NEK1: variants seen among roughly 807,000 people sequenced by gnomAD.
NEK1 encodes the protein NIMA related kinase 1, also known as serine/threonine-protein kinase Nek1.
Under a neutral mutation model 182.1 loss-of-function variants are expected in NEK1, and 137 were observed. That is an observed-to-expected ratio of 0.75 (90% CI 0.65 to 0.87). The LOEUF (loss-of-function observed/expected upper bound fraction) is 0.87. Among genes scored for constraint, NEK1 ranks in the 40% least tolerant of loss-of-function variants. The pLI, the probability that NEK1 is intolerant of heterozygous loss-of-function variation, is 0.00. For synonymous variants in NEK1, 513 were observed against 492.2 expected, an observed-to-expected ratio of 1.04 and a Z score of -0.56; for missense variants, 1,391 against 1,494.4, an observed-to-expected ratio of 0.93 and a Z score of 1.14.
At chr4:169,565,843 T>A in intron 12 of NEK1, among the ~76,000 whole-genome samples, 1 of 152,210 alleles carries the variant, frequency 6.6e-6, no homozygotes, top group East Asian at 1.9e-4. Flanking sequence ...AAAAAGGATT[T>A]CCCTTGGGGT....
At chr4:169,474,293 A>C (rs960516340) in intron 26 of NEK1, among the ~76,000 whole-genome samples, 1 of 152,212 alleles carries the variant, frequency 6.6e-6, no homozygotes, top group African/African-American at 2.4e-5. Context: ...CTTTTATTCT[A>C]GTTGCAATGA....
At chr4:169,398,919 A>G (rs1731162735) in intron 35 of NEK1, among the ~76,000 whole-genome samples, 2 of 152,324 alleles carry the variant, frequency 1.3e-5, no homozygotes, top group Non-Finnish European at 2.9e-5. Flanking sequence ...TCTAGAAATA[A>G]ATTCTTGTTC....
At chr4:169,556,790 T>A (rs976965246) in intron 16 of NEK1, among the ~76,000 whole-genome samples, 12 of 149,796 alleles carry the variant, frequency 8.0e-5, no homozygotes. Context: ...AAAAAGGCCT[T>A]GGGGAGAGAT....
intron 31 of NEK1, among the ~76,000 whole-genome samples, chr4:169,417,784 C>A (rs552528195): frequency 6.6e-6 from 1 of 152,212 alleles, no homozygotes; most frequent in East Asian, 1.9e-4. Flanking sequence ...AAACAATAAG[C>A]AGCACAAGAC....
chr4:169,430,734 A>C (rs1737268528), intron 29 of NEK1, among the ~76,000 whole-genome samples: 1 of 152,218 alleles, frequency 6.6e-6, no homozygotes. Flanking sequence ...ACCCTAATGT[A>C]AACTATAAAC....
intron 12 of NEK1, among the ~76,000 whole-genome samples, chr4:169,565,948 G>A (rs865985282): frequency 5.3e-5 from 8 of 152,054 alleles, no homozygotes; most frequent in East Asian, 3.9e-4. Flanking sequence ...GCTGAATTAC[G>A]TACAGTATGT....
At chr4:169,481,371 C>T (rs1747970379) in intron 23 of NEK1, among the ~76,000 whole-genome samples, 1 of 152,038 alleles carries the variant, frequency 6.6e-6, no homozygotes, top group East Asian at 1.9e-4. Context: ...TTTACTTTGC[C>T]CAGATCCATT....
intron 2 of NEK1, among the ~76,000 whole-genome samples, chr4:169,609,004 T>C (rs925979777): frequency 1.4e-5 from 2 of 142,600 alleles, no homozygotes; most frequent in Non-Finnish European, 3.0e-5. Flanking sequence ...GAGGTTGCAG[T>C]GAGCTGAGAT....
At chr4:169,477,525 GA>G in intron 24 of NEK1, 28 bp from the exon 25 acceptor site, 1 of 1,509,100 alleles carries the variant, frequency 6.6e-7, no homozygotes, top group Non-Finnish European at 9.0e-7. Context: ...TACAGAGGAA[GA>G]GATAATTTTA....
intron 12 of NEK1, among the ~76,000 whole-genome samples, chr4:169,573,848 A>C (rs956386334): frequency 6.6e-6 from 1 of 152,182 alleles, no homozygotes; most frequent in Non-Finnish European, 1.5e-5. Context: ...GGGAGACAAG[A>C]TATTTGAAAG....
rs752029300 is a variant in NEK1, at chr4:169,599,160, C to T, written c.252G>A (p.Glu84=). The part of the protein sequence containing the change: ...GSLYIVMDYC[E]GGDLFKRINA... ...TTATTCGCTTAAACAGATCCCCTCC[C>T]TCACAGTAATCCATTACTATGTAGA... Residue 84 remains glutamate (E), a synonymous_variant, in exon 5 of 36, where the codon GAG becomes GAA. Coordinates refer to ENST00000507142, the MANE Select transcript of NEK1 (RefSeq NM_001199397.3). 1.9e-6 allele frequency: 3 copies of T among 1,613,388 alleles called. No individual in the cohort carries two copies. Among genetic ancestry groups the T allele is most frequent in the East Asian group, 4.5e-5 (2 of 44,820 alleles).
At chr4:169,552,356 T>C (rs1195354466) in intron 18 of NEK1, among the ~76,000 whole-genome samples, 1 of 149,416 alleles carries the variant, frequency 6.7e-6, no homozygotes, top group Non-Finnish European at 1.5e-5. Flanking sequence ...ATCATATCTA[T>C]ACATGCCAAA....
At chr4:169,590,673 GA>G in intron 6 of NEK1, 52 bp downstream of exon 6, 1 of 1,358,162 alleles carries the variant, frequency 7.4e-7, no homozygotes, top group African/African-American at 1.5e-5. Context: ...CCAAAACAAT[GA>G]AGGTTCCATG....
intron 19 of NEK1, among the ~76,000 whole-genome samples, chr4:169,526,633 G>A (rs1442839384): frequency 6.6e-6 from 1 of 152,212 alleles, no homozygotes; most frequent in Non-Finnish European, 1.5e-5. Flanking sequence ...TCCCAAAGCA[G>A]TTAATAAATA....
chr4:169,471,216 A>G (rs1446749471), intron 26 of NEK1, among the ~76,000 whole-genome samples: 2 of 151,814 alleles, frequency 1.3e-5, no homozygotes, highest in Admixed American at 1.3e-4. Flanking sequence ...GGTTTTGGGA[A>G]TTTTCAGCCT....
At chr4:169,526,957 C>T (rs1756981408) in intron 19 of NEK1, among the ~76,000 whole-genome samples, 1 of 152,084 alleles carries the variant, frequency 6.6e-6, no homozygotes, top group Admixed American at 6.5e-5. Flanking sequence ...CTTGTAAATT[C>T]AAGAAACTAG....
intron 2 of NEK1, among the ~76,000 whole-genome samples, chr4:169,608,094 A>G (rs1302950105): frequency 7.2e-6 from 1 of 138,640 alleles, no homozygotes; most frequent in African/African-American, 2.7e-5. Flanking sequence ...GGCTGATTTT[A>G]AAGTTCAGAC....
rs1412521982 is a variant in NEK1 at position 169,469,387 on chromosome 4, A to G, written c.2435-5992T>C. 3.3e-5 allele frequency among the ~76,000 whole-genome samples: 5 copies of G among 152,168 alleles called. No homozygotes were observed. The East Asian group carries it at 9.6e-4, about 29-fold the overall frequency. On this transcript the variant is annotated intron_variant, in intron 26 of 35. Transcript: ENST00000507142. ...TAATTTCATTATTTACCCAGTAGTC[A>G]TTCAGGAGCAGGTTGTTCAGTTTCC...
rs1311075135 is a variant in NEK1 at position 169,603,705 on chromosome 4, C to CT, written c.-48-1028_-48-1027insA. ...GAAAAATTCTTCCACATTTATTGAA[C>CT]ATTTTTTTTTTTTTTTTTTTAAGAC... On this transcript the variant is annotated intron_variant, in intron 2 of 35. Transcript: ENST00000507142. Among the ~76,000 whole-genome samples, 883 of 123,654 alleles carry CT rather than the reference C, an allele frequency of 7.1e-3. 22 individuals carry two copies. Among genetic ancestry groups the CT allele is most frequent in the South Asian group, 0.07 (304 of 4,368 alleles). The allele number at this position is 123,654 out of a possible 152,430, so 81.1% of individuals were successfully genotyped here.
Sources: allele counts gnomAD v4.1 joint callset (sites outside exome capture counted in the v4.1 genomes callset), GRCh38; gene constraint gnomAD v4.1.1; transcripts MANE v1.5; gene names NCBI Gene and HGNC (gene_info 2026-07-23, HGNC 2026-07-21).